The following KCNB2 variants were observed in gnomAD, a reference collection of about 807,000 sequenced individuals.
The protein encoded by KCNB2 is potassium voltage-gated channel subfamily B member 2.
A neutral mutation model predicts 61.5 loss-of-function variants in KCNB2; 15 were observed. The ratio of observed to expected loss-of-function variants is 0.24; its 90% CI spans 0.16 to 0.38. KCNB2 has a LOEUF of 0.38. KCNB2 is among the 10% of genes least tolerant of loss of function. KCNB2 has a pLI of 1.00. For synonymous variants in KCNB2, 457 were observed against 446.0 expected, an observed-to-expected ratio of 1.02 and a Z score of -0.31; for missense variants, 828 against 1,125.2, an observed-to-expected ratio of 0.74 and a Z score of 3.78.
chr8:72,683,793 GA>G (rs1806802145), intron 2 of KCNB2, among the ~76,000 whole-genome samples: 2 of 152,180 alleles, frequency 1.3e-5, no homozygotes, highest in African/African-American at 4.8e-5. Context: ...CAGATAATTA[GA>G]GACATGGGCA....
chr8:72,728,042 T>C (rs1224880351), intron 2 of KCNB2, among the ~76,000 whole-genome samples: 1 of 152,138 alleles, frequency 6.6e-6, no homozygotes, highest in African/African-American at 2.4e-5. Flanking sequence ...CAGCATGCAG[T>C]CTCCTTGTTG....
intron 2 of KCNB2, among the ~76,000 whole-genome samples, chr8:72,856,357 CAA>C (rs1810207379): frequency 6.6e-6 from 1 of 152,054 alleles, no homozygotes; most frequent in South Asian, 2.1e-4. Context: ...CTAAAATTCT[CAA>C]GAGTCACATG....
intron 2 of KCNB2, among the ~76,000 whole-genome samples, chr8:72,659,749 C>CA (rs1654993537): frequency 1.3e-5 from 2 of 152,210 alleles, no homozygotes; most frequent in African/African-American, 4.8e-5. Context: ...CCTCCACCAG[C>CA]AAAAACTCAT....
intron 1 of KCNB2, among the ~76,000 whole-genome samples, chr8:72,556,974 T>C (rs769124512): frequency 1.3e-5 from 2 of 152,170 alleles, no homozygotes; most frequent in Non-Finnish European, 2.9e-5. Context: ...AGATCATGTC[T>C]TCTTGCTGTG....
chr8:72,756,127 T>C (rs549061665), intron 2 of KCNB2, among the ~76,000 whole-genome samples: 6 of 152,284 alleles, frequency 3.9e-5, no homozygotes, highest in Admixed American at 3.9e-4. Context: ...GAAGGACTCC[T>C]TGGGGTCCGC....
intron 2 of KCNB2, among the ~76,000 whole-genome samples, chr8:72,885,435 A>G (rs1008682963): frequency 1.3e-5 from 2 of 152,106 alleles, no homozygotes; most frequent in East Asian, 1.9e-4. Context: ...AGTTTTATGT[A>G]TTTTGGGTAA....
At chr8:72,827,610 T>C (rs369575917) in intron 2 of KCNB2, among the ~76,000 whole-genome samples, 1 of 152,138 alleles carries the variant, frequency 6.6e-6, no homozygotes, top group South Asian at 2.1e-4. Context: ...AGGCCAAATA[T>C]TGGAGGTACA....
intron 2 of KCNB2, among the ~76,000 whole-genome samples, chr8:72,821,524 C>T (rs1350439719): frequency 6.7e-6 from 1 of 148,606 alleles, no homozygotes; most frequent in African/African-American, 2.5e-5. Flanking sequence ...GGAGTTGTTA[C>T]AAGTTTTGCA....
In KCNB2 at chr8:72,937,165, G is replaced by A; in HGVS notation, c.1810G>A (p.Asp604Asn). The change falls in exon 3 of 3, where the codon GAC becomes AAC. Residue 604 changes from aspartate to asparagine, a missense_variant. Transcript: ENST00000523207. ...IVDMKSTSSIDSFTSCATDFT... is the reference protein window; with the variant it reads ...IVDMKSTSSINSFTSCATDFT... ...GGACATGAAGAGCACCTCCAGCATC[G>A]ACAGCTTCACCAGCTGTGCCACCGA... 1 of 1,614,074 alleles carries A rather than the reference G, an allele frequency of 6.2e-7. No individual in the cohort carries two copies. Among genetic ancestry groups the A allele is most frequent in the Non-Finnish European group, 8.5e-7 (1 of 1,180,018 alleles).
At chr8:72,674,773 A>G (rs1806623417) in intron 2 of KCNB2, among the ~76,000 whole-genome samples, 2 of 152,344 alleles carry the variant, frequency 1.3e-5, no homozygotes, top group African/African-American at 4.8e-5. Flanking sequence ...ACTGCAGGGT[A>G]TAGCAATGAA....
chr8:72,633,494 T>C (rs1805914603), intron 2 of KCNB2, among the ~76,000 whole-genome samples: 1 of 152,150 alleles, frequency 6.6e-6, no homozygotes, highest in African/African-American at 2.4e-5. Flanking sequence ...TTCCGGGAAT[T>C]AGGGCATGAG....
chr8:72,787,090 G>T (rs1205660833), intron 2 of KCNB2, among the ~76,000 whole-genome samples: 1 of 152,112 alleles, frequency 6.6e-6, no homozygotes, highest in Non-Finnish European at 1.5e-5. Context: ...CCTTTCCCCT[G>T]ACACAGGGAG....
At chr8:72,697,976 C>T (rs1309956357) in intron 2 of KCNB2, among the ~76,000 whole-genome samples, 1 of 151,990 alleles carries the variant, frequency 6.6e-6, no homozygotes, top group Non-Finnish European at 1.5e-5. Context: ...CCAGGTGATC[C>T]TGATGTAGTG....
intron 2 of KCNB2, among the ~76,000 whole-genome samples, chr8:72,894,492 A>G (rs1585958356): frequency 6.6e-6 from 1 of 152,242 alleles, no homozygotes; most frequent in East Asian, 1.9e-4. Context: ...TAGAATCATA[A>G]CTATGCATTA....
At chr8:72,559,482 A>G (rs349345) in intron 1 of KCNB2, among the ~76,000 whole-genome samples, 112,411 of 152,012 alleles carry the variant, frequency 0.74, 41,919 homozygotes, top group African/African-American at 0.8. Flanking sequence ...GGAAGCCGTG[A>G]GAGCATCTTC....
At chr8:72,826,116 T>C (rs1387596839) in intron 2 of KCNB2, among the ~76,000 whole-genome samples, 1 of 152,258 alleles carries the variant, frequency 6.6e-6, no homozygotes, top group East Asian at 1.9e-4. Flanking sequence ...TAATCTGCTG[T>C]GGATCCTAGC....
At chr8:72,672,669 G>A (rs1421092587) in intron 2 of KCNB2, among the ~76,000 whole-genome samples, 1 of 151,404 alleles carries the variant, frequency 6.6e-6, no homozygotes, top group Admixed American at 6.6e-5. Context: ...TGCTTCTAAG[G>A]TGTCCAAAGT....
chr8:72,651,185 G>C (rs1806205958), intron 2 of KCNB2, among the ~76,000 whole-genome samples: 1 of 152,142 alleles, frequency 6.6e-6, no homozygotes, highest in Admixed American at 6.6e-5. Context: ...TGTTTAGAGT[G>C]TGTGCATGAG....
chr8:72,653,894 T>A (rs535199574), intron 2 of KCNB2, among the ~76,000 whole-genome samples: 6 of 152,342 alleles, frequency 3.9e-5, no homozygotes, highest in Non-Finnish European at 8.8e-5. Flanking sequence ...GTTTTAGGAT[T>A]GACACTGAAG....
Sources: gnomAD v4.1 joint callset for allele counts (sites outside exome capture counted in the v4.1 genomes callset) on GRCh38, gnomAD v4.1.1 for gene constraint, MANE v1.5 for transcripts, NCBI Gene and HGNC (gene_info 2026-07-23, HGNC 2026-07-21) for gene names.